WWC1: variants seen among roughly 807,000 people sequenced by gnomAD.
The protein encoded by WWC1 is WW and C2 domain containing 1, also known as protein KIBRA.
A neutral mutation model predicts 138.4 loss-of-function variants in WWC1; 55 were observed. The observed-to-expected ratio is 0.40, with a 90% CI of 0.32 to 0.50. The LOEUF is 0.50. Among genes scored for constraint, WWC1 ranks in the 20% least tolerant of loss-of-function variants. The probability of loss-of-function intolerance (pLI) is 0.72; values close to 1 mark genes in which losing one functional copy is unlikely to be tolerated. For missense variants in WWC1, 1,226 were observed against 1,420.4 expected (o/e 0.86, Z 2.20); for synonymous variants, 524 against 564.9 (o/e 0.93, Z 1.03).
At chr5:168,344,359 C>G (rs1260550612) in intron 1 of WWC1, among the ~76,000 whole-genome samples, 1 of 152,202 alleles carries the variant, frequency 6.6e-6, no homozygotes, top group Non-Finnish European at 1.5e-5. Flanking sequence ...AACCTGGCTT[C>G]TAATCCTAAA....
chr5:168,413,928 A>G (rs10866627), intron 8 of WWC1: 1 of 182,960 alleles, frequency 5.5e-6, no homozygotes, highest in Non-Finnish European at 1.2e-5. Flanking sequence ...ACTATGTGCC[A>G]AGTACTGTGC....
intron 1 of WWC1, among the ~76,000 whole-genome samples, chr5:168,343,668 A>C (rs1395216680): frequency 2.0e-5 from 3 of 152,050 alleles, no homozygotes; most frequent in Non-Finnish European, 4.4e-5. Context: ...CTAAAAATAC[A>C]AAAATTAGCT....
At chr5:168,318,102 C>A (rs894519986) in intron 1 of WWC1, among the ~76,000 whole-genome samples, 5 of 151,804 alleles carry the variant, frequency 3.3e-5, no homozygotes, top group African/African-American at 1.2e-4. Flanking sequence ...GTAGTTTAAG[C>A]CTGCTAATCA....
chr5:168,364,720 C>G (rs1457693456), intron 1 of WWC1, among the ~76,000 whole-genome samples: 1 of 152,162 alleles, frequency 6.6e-6, no homozygotes, highest in African/African-American at 2.4e-5. Flanking sequence ...GGGTCACCCT[C>G]CAGCTCAACA....
intron 2 of WWC1, among the ~76,000 whole-genome samples, chr5:168,383,801 C>G (rs1341196032): frequency 6.6e-6 from 1 of 152,214 alleles, no homozygotes; most frequent in Non-Finnish European, 1.5e-5. Context: ...ACCCCTAACA[C>G]CACCCAACAA....
intron 3 of WWC1, among the ~76,000 whole-genome samples, chr5:168,387,530 C>A (rs909412783): frequency 6.6e-6 from 1 of 152,128 alleles, no homozygotes; most frequent in Non-Finnish European, 1.5e-5. Context: ...AATAAAATAC[C>A]ATAGATTGGG....
intron 1 of WWC1, among the ~76,000 whole-genome samples, chr5:168,311,248 A>G (rs1771047593): frequency 6.6e-6 from 1 of 152,122 alleles, no homozygotes; most frequent in African/African-American, 2.4e-5. Context: ...TACTTCCAGC[A>G]GGAAGGGGTC....
At chr5:168,436,849 CT>C in intron 15 of WWC1, among the ~76,000 whole-genome samples, 1 of 152,112 alleles carries the variant, frequency 6.6e-6, no homozygotes, top group Non-Finnish European at 1.5e-5. Flanking sequence ...GGCTTCTGTC[CT>C]TTTCCCCTTC....
chr5:168,452,865 T>A (rs111910637), intron 17 of WWC1, among the ~76,000 whole-genome samples: 2,047 of 152,196 alleles, frequency 0.013, 35 homozygotes, highest in African/African-American at 0.046. Flanking sequence ...CTGGGTGCAT[T>A]TAAAGGCAGG....
chr5:168,467,278 AC>A (rs779436702), intron 21 of WWC1, among the ~76,000 whole-genome samples: 1 of 152,224 alleles, frequency 6.6e-6, no homozygotes, highest in Non-Finnish European at 1.5e-5. Context: ...AACAAAAAAA[AC>A]GATGGCTTTA....
At chr5:168,352,704 C>T (rs942644208) in intron 1 of WWC1, among the ~76,000 whole-genome samples, 2 of 151,992 alleles carry the variant, frequency 1.3e-5, no homozygotes, top group African/African-American at 2.4e-5. Flanking sequence ...CTGCCTTAGC[C>T]TCCAAAGTAG....
intron 1 of WWC1, among the ~76,000 whole-genome samples, chr5:168,297,666 C>T (rs1769671109): frequency 6.7e-6 from 1 of 148,426 alleles, no homozygotes; most frequent in African/African-American, 2.5e-5. Context: ...GAACCAGAGA[C>T]AAGTGACTTG....
At chr5:168,390,096 C>G (rs115001090) in intron 3 of WWC1, among the ~76,000 whole-genome samples, 1 of 152,170 alleles carries the variant, frequency 6.6e-6, no homozygotes, top group South Asian at 2.1e-4. Context: ...ATGCAGATTA[C>G]TAGTTGTTGT....
intron 11 of WWC1, among the ~76,000 whole-genome samples, chr5:168,425,935 T>G (rs935525309): frequency 1.3e-5 from 2 of 152,210 alleles, no homozygotes; most frequent in African/African-American, 4.8e-5. Context: ...CACACTGTTA[T>G]CCATGTGCTG....
chr5:168,442,434 C>T (rs1754857004), intron 16 of WWC1, among the ~76,000 whole-genome samples: 1 of 91,612 alleles, frequency 1.1e-5, no homozygotes, highest in Non-Finnish European at 1.9e-5. Context: ...GAGGCCTTGT[C>T]TCTACAAAAA....
At chr5:168,463,116 C>A (rs1015709057) in intron 20 of WWC1, among the ~76,000 whole-genome samples, 2 of 152,156 alleles carry the variant, frequency 1.3e-5, no homozygotes, top group African/African-American at 4.8e-5. Context: ...TTTTCTATTG[C>A]TGCATAATAA....
At chr5:168,468,911 G>A (rs769056892) in intron 22 of WWC1, 40 bp from the exon 23 acceptor site, 5 of 1,610,110 alleles carry the variant, frequency 3.1e-6, no homozygotes, top group Non-Finnish European at 4.3e-6. Context: ...GTAGAGCGAG[G>A]TTGAAAACCC....
At chr5:168,389,404 T>A (rs946268512) in intron 3 of WWC1, among the ~76,000 whole-genome samples, 1 of 143,020 alleles carries the variant, frequency 7.0e-6, no homozygotes, top group Non-Finnish European at 1.5e-5. Flanking sequence ...TGAGCCGAGA[T>A]AGCACCACTG....
In WWC1 at chr5:168,460,658, G is replaced by C; in HGVS notation, c.2832G>C (p.Arg944=). The part of the protein sequence containing the change: ...PQSQYVCRLN[R]SDSDSSTLSK... ...TGACTTTTCTCTTGCAGCTGAATCG[G>C]AGTGATAGTGACAGCTCCACTCTGT... is the stretch of plus-strand genomic sequence containing the variant. Residue 944 remains arginine (R), a synonymous_variant, in exon 20 of 23, where the codon CGG becomes CGC. Coordinates refer to ENST00000265293, the MANE Select transcript of WWC1 (RefSeq NM_015238.3). The C allele has an allele frequency of 6.2e-7, 1 of 1,614,032 alleles. No homozygotes were observed. The highest frequency in any genetic ancestry group is 8.5e-7 in the Non-Finnish European group (1 of 1,179,974).
Sources: allele counts gnomAD v4.1 joint callset (sites outside exome capture counted in the v4.1 genomes callset), GRCh38; gene constraint gnomAD v4.1.1; transcripts MANE v1.5; gene names NCBI Gene and HGNC (gene_info 2026-07-23, HGNC 2026-07-21).